The following ACO2 variants were observed in gnomAD, a reference collection of about 807,000 sequenced individuals.
The protein encoded by ACO2 is aconitate hydratase, mitochondrial.
In ACO2, 31 loss-of-function variants were observed where a neutral mutation model predicts 84.5. That is an observed-to-expected ratio of 0.37 (90% CI 0.28 to 0.50). The LOEUF is 0.50. ACO2 is among the 20% of genes least tolerant of loss of function. ACO2 has a pLI of 0.97. For synonymous variants in ACO2, 414 were observed against 412.7 expected (o/e 1.00, Z -0.04); for missense variants, 685 against 1,029.3 (o/e 0.67, Z 4.58).
chr22:41,509,595 A>G (rs993041627), intron 3 of ACO2, among the ~76,000 whole-genome samples: 7 of 152,282 alleles, frequency 4.6e-5, no homozygotes, highest in Admixed American at 4.6e-4. Flanking sequence ...CTGGAGGAAG[A>G]ACATGCTAGA....
intron 13 of ACO2, 82 bp downstream of exon 13, chr22:41,525,050 G>A: frequency 6.2e-7 from 1 of 1,607,916 alleles, no homozygotes; most frequent in Non-Finnish European, 8.5e-7. Context: ...TCCTGTGCAG[G>A]CAGGGAGGGC....
chr22:41,525,052 A>G, intron 13 of ACO2, 84 bp downstream of exon 13: 1 of 1,608,002 alleles, frequency 6.2e-7, no homozygotes, highest in Non-Finnish European at 8.5e-7. Flanking sequence ...CTGTGCAGGC[A>G]GGGAGGGCGC....
Position 41,520,154 on chromosome 22 carries a change from C to G in ACO2, c.1033-17C>G. 6.2e-7 allele frequency: 1 copy of G among 1,603,514 alleles called. No individual in the cohort carries two copies. Among genetic ancestry groups the G allele is most frequent in the South Asian group, 1.1e-5 (1 of 90,800 alleles). ...TTCCCTCCTCTCTTTCTTCTCCTTG[C>G]ATGTTTGTTTCTTCAGCTGAAGCCA... On this transcript the variant is annotated splice_polypyrimidine_tract_variant and intron_variant, in intron 8 of 17. Coordinates refer to ENST00000216254, the MANE Select transcript of ACO2 (RefSeq NM_001098.3).
Position 41,527,419 on chromosome 22 carries a change from C to T in ACO2, c.2085C>T (p.His695=), listed in dbSNP as rs748105763. ...TCACCAAGAGCTTTGCCAGGATCCA[C>T]GGTGAGCTGGAGTCTGTACCCAGGC... ...AIITKSFARI[H]ETNLKKQGLL... The change falls in exon 16 of 18, where the codon CAC becomes CAT. Residue 695 remains histidine (H), a splice_region_variant and synonymous_variant. Coordinates refer to ENST00000216254, the MANE Select transcript of ACO2 (RefSeq NM_001098.3). 8.9e-5 allele frequency: 144 copies of T among 1,609,470 alleles called. No individual in the cohort carries two copies. The highest frequency in any genetic ancestry group is 1.0e-4 in the Non-Finnish European group (118 of 1,178,438).
chr22:41,518,421 T>G, intron 7 of ACO2, 60 bp from the exon 8 acceptor site: 3 of 1,353,224 alleles, frequency 2.2e-6, no homozygotes, highest in Non-Finnish European at 3.2e-6. Flanking sequence ...GGGTGGTGAG[T>G]GAACTCTCAA....
At chr22:41,524,052 G>A in intron 12 of ACO2, 111 bp downstream of exon 12, 1 of 906,534 alleles carries the variant, frequency 1.1e-6, no homozygotes, top group Admixed American at 2.1e-5. Context: ...TGGTAGCCAG[G>A]AGCTACAGGC....
chr22:41,506,516 G>A lies in ACO2; in HGVS notation c.174-1275G>A, dbSNP rs146504149. Among the ~76,000 whole-genome samples, 981 of 152,276 alleles carry A rather than the reference G, an allele frequency of 6.4e-3. 6 individuals are homozygous for A. The highest frequency in any genetic ancestry group is 0.014 in the Admixed American group (214 of 15,304). On this transcript the variant is annotated intron_variant, in intron 2 of 17. Transcript: ENST00000216254. ...GATCCGCCTGTCTCGGCCTCCCAAA[G>A]TGCTGAGATTACAGGCATGAGCCAC...
intron 1 of ACO2, among the ~76,000 whole-genome samples, chr22:41,475,237 A>AT (rs1454210498): frequency 6.9e-6 from 1 of 144,750 alleles, no homozygotes; most frequent in Admixed American, 7.1e-5. Context: ...CAGTGGTGTA[A>AT]TTATAGCTCA....
intron 14 of ACO2, 195 bp from the exon 15 acceptor site, chr22:41,526,067 A>C: frequency 1.9e-6 from 1 of 540,184 alleles, no homozygotes; most frequent in Non-Finnish European, 3.3e-6. Flanking sequence ...GAGGGGATGA[A>C]GGCCTGGCCT....
rs2066346677 is a variant in ACO2 at position 41,500,485 on chromosome 22, A to G, written c.173+623A>G. ...CTGCAACCTCTGTCTCCCCAGTTGG[A>G]ACGATTCTTGTGCCTCAGCTTCCTG... is the stretch of plus-strand genomic sequence containing the variant. On this transcript the variant is annotated intron_variant, in intron 2 of 17. Transcript: ENST00000216254. Among the ~76,000 whole-genome samples, 4 of 151,278 alleles carry G rather than the reference A, an allele frequency of 2.6e-5. No homozygotes were observed. The South Asian group carries it at 8.3e-4, about 32-fold the overall frequency.
intron 2 of ACO2, among the ~76,000 whole-genome samples, chr22:41,504,247 C>T (rs553443715): frequency 2.6e-5 from 4 of 152,198 alleles, no homozygotes; most frequent in South Asian, 4.1e-4. Context: ...AAAAATAAAG[C>T]GTTCTATTCT....
Position 41,527,908 on chromosome 22 carries a change from C to T in ACO2, c.2094C>T (p.Asn698=), listed in dbSNP as rs2066637330. 3 of 1,614,062 alleles carry T rather than the reference C, an allele frequency of 1.9e-6. No individual in the cohort carries two copies. Among genetic ancestry groups the T allele is most frequent in the Middle Eastern group, 1.6e-4 (1 of 6,084 alleles). Residue 698 remains asparagine (N), a synonymous_variant, in exon 17 of 18, where the codon AAC becomes AAT. Transcript: ENST00000216254. ...TKSFARIHET[N]LKKQGLLPLT... ...ATGCCGCCTGCTTTCCAGAGACCAA[C>T]CTGAAGAAACAGGGCCTGCTGCCTC...
At chr22:41,525,660 C>A (rs1240762588) in intron 14 of ACO2, 3 of 385,236 alleles carry the variant, frequency 7.8e-6, no homozygotes, top group Non-Finnish European at 1.4e-5. Flanking sequence ...TGGGCTGGGA[C>A]AGTGTGTGTG....
chr22:41,496,658 C>T (rs568495963), intron 1 of ACO2, among the ~76,000 whole-genome samples: 3 of 152,296 alleles, frequency 2.0e-5, no homozygotes, highest in East Asian at 1.9e-4. Flanking sequence ...CCTATGCACA[C>T]GCACTGTGGA....
In ACO2 at chr22:41,517,513, C is replaced by T. The variant is rs1057524014; in HGVS notation, c.836-14C>T. Reference sequence around the variant, plus strand: ...CGGCCACCAGCCAATGCCCGGGGCTCTGTTGCTCCACAGGCATGGCGACAA... The same window carrying T: ...CGGCCACCAGCCAATGCCCGGGGCTTTGTTGCTCCACAGGCATGGCGACAA... On this transcript the variant is annotated splice_polypyrimidine_tract_variant and intron_variant, in intron 6 of 17. Coordinates refer to ENST00000216254, the MANE Select transcript of ACO2 (RefSeq NM_001098.3). The T allele has an allele frequency of 4.3e-6, 7 of 1,612,536 alleles. No homozygotes were observed. The highest frequency in any genetic ancestry group is 5.9e-6 in the Non-Finnish European group (7 of 1,179,198).
At chr22:41,526,234 C>T (rs772776834) in intron 14 of ACO2, 28 bp from the exon 15 acceptor site, 42 of 1,601,892 alleles carry the variant, frequency 2.6e-5, no homozygotes, top group Non-Finnish European at 3.5e-5. Context: ...CATGCCCTGA[C>T]CTCTGTCCTC....
intron 4 of ACO2, 176 bp downstream of exon 4, chr22:41,512,144 C>G (rs888337653): frequency 1.9e-6 from 1 of 526,082 alleles, no homozygotes; most frequent in African/African-American, 2.0e-5. Context: ...TGTCATTATA[C>G]GTGCTCATTT....
At chr22:41,524,080 C>T (rs1289690732) in intron 12 of ACO2, 139 bp downstream of exon 12, 1 of 703,126 alleles carries the variant, frequency 1.4e-6, no homozygotes, top group African/African-American at 1.8e-5. Context: ...GCCTCAGGCG[C>T]ATGCTTGGTG....
In ACO2 at chr22:41,515,397, G is replaced by A. The variant is rs561001165; in HGVS notation, c.546G>A (p.Ala182=). The change falls in exon 5 of 18, where the codon GCG becomes GCA. Residue 182 remains alanine, a synonymous_variant. Transcript: ENST00000216254. This position sits in a 1 kb window ranked among gnomAD's most constrained non-coding sequence, Gnocchi z 5.8. The stretch of plus-strand genomic sequence containing the variant: ...TTCAGATTATTCTGGAAAACTATGC[G>A]TACCCTGGTGTTCTTCTGATTGGCA... ...IIHQIILENY[A]YPGVLLIGTD... 247 of 1,612,764 alleles carry A rather than the reference G, an allele frequency of 1.5e-4. No individual in the cohort carries two copies. Among genetic ancestry groups the A allele is most frequent in the Non-Finnish European group, 2.0e-4 (236 of 1,179,904 alleles).
Sources: allele counts gnomAD v4.1 joint callset (sites outside exome capture counted in the v4.1 genomes callset), GRCh38; gene constraint gnomAD v4.1.1; non-coding constraint Gnocchi (gnomAD v3.1); transcripts MANE v1.5; gene names NCBI Gene and HGNC (gene_info 2026-07-23, HGNC 2026-07-21).